The following USP7 variants were observed in gnomAD, a reference collection of about 807,000 sequenced individuals.
The protein encoded by USP7 is ubiquitin specific peptidase 7, also known as ubiquitin C-terminal hydrolase 7.
Under a neutral mutation model 162.9 loss-of-function variants are expected in USP7, and 9 were observed. The ratio of observed to expected loss-of-function variants is 0.06; its 90% CI spans 0.03 to 0.10. The LOEUF (loss-of-function observed/expected upper bound fraction) is 0.10. Ranked by LOEUF, USP7 falls within the 10% of genes least tolerant of loss-of-function variation. The probability of loss-of-function intolerance (pLI) is 1.00; values close to 1 mark genes in which losing one functional copy is unlikely to be tolerated. For missense variants in USP7, 715 were observed against 1,373.7 expected (o/e 0.52, Z 7.58); for synonymous variants, 562 against 475.9 (o/e 1.18, Z -2.35).
intron 1 of USP7, among the ~76,000 whole-genome samples, chr16:8,946,394 A>T (rs1720877095): frequency 6.6e-6 from 1 of 152,192 alleles, no homozygotes; most frequent in African/African-American, 2.4e-5. Context: ...CAGCCTGGCC[A>T]ATATGGTGAA....
chr16:8,940,638 G>C (rs973425755), intron 1 of USP7, among the ~76,000 whole-genome samples: 1 of 152,164 alleles, frequency 6.6e-6, no homozygotes, highest in Non-Finnish European at 1.5e-5. Flanking sequence ...AGCCAAAAAA[G>C]ACGGAGTTAC....
chr16:8,908,549 G>A (rs1245641068), intron 11 of USP7, 99 bp from the exon 12 acceptor site: 1 of 963,856 alleles, frequency 1.0e-6, no homozygotes, highest in Non-Finnish European at 1.5e-6. Flanking sequence ...CATGTCTGGA[G>A]ACTCTGGAGA....
At chr16:8,904,775 T>C (rs1221546617) in intron 14 of USP7, among the ~76,000 whole-genome samples, 1 of 143,640 alleles carries the variant, frequency 7.0e-6, no homozygotes, top group Admixed American at 7.1e-5. Context: ...ACCCCATCTC[T>C]ACTACTAAAA....
intron 21 of USP7, 55 bp from the exon 22 acceptor site, chr16:8,899,812 T>A (rs1364411858): frequency 3.1e-6 from 5 of 1,590,304 alleles, no homozygotes; most frequent in Non-Finnish European, 8.6e-7. Context: ...AGGGGGTAGC[T>A]GGTAAAAATG....
At chr16:8,909,752 C>T (rs993873803) in intron 11 of USP7, among the ~76,000 whole-genome samples, 1 of 152,102 alleles carries the variant, frequency 6.6e-6, no homozygotes, top group Non-Finnish European at 1.5e-5. Context: ...ATGGTGAAAC[C>T]CCATCTCTAC....
chr16:8,907,479 T>A (rs1469779947), intron 12 of USP7, among the ~76,000 whole-genome samples: 2 of 152,224 alleles, frequency 1.3e-5, no homozygotes, highest in African/African-American at 4.8e-5. Flanking sequence ...GTGCTCAAAC[T>A]AATCAGGATA....
chr16:8,920,509 C>A, intron 4 of USP7, 62 bp from the exon 5 acceptor site: 2 of 1,387,218 alleles, frequency 1.4e-6, no homozygotes, highest in Non-Finnish European at 2.0e-6. Flanking sequence ...TCCCAAGAGA[C>A]AAATTACATT....
rs1438312431 is a variant in USP7 at position 8,905,036 on chromosome 16, C to A, written c.1573+151G>T. 2.6e-5 allele frequency: 23 copies of A among 868,280 alleles called. No individual in the cohort carries two copies. The South Asian group carries it at 4.4e-4, about 17-fold the overall frequency. 53.8% of individuals were successfully genotyped at this position (868,280 alleles called of 1,614,324 possible). A position where few individuals can be genotyped will look rare whatever the true frequency, so the allele number is the denominator to read the frequency against. On this transcript the variant is annotated intron_variant, in intron 14 of 30. Coordinates refer to ENST00000344836, the MANE Select transcript of USP7 (RefSeq NM_003470.3). ...GGTACCATAAGTCTGCATCGAAACG[C>A]GCAAGCCCAACCCTGCTCATTTCTG...
intron 18 of USP7, 119 bp from the exon 19 acceptor site, chr16:8,901,353 T>A (rs1442342422): frequency 2.7e-5 from 19 of 695,174 alleles, no homozygotes; most frequent in Non-Finnish European, 4.4e-5. Flanking sequence ...AATAGCTCAA[T>A]GACAAGTGAA....
intron 1 of USP7, among the ~76,000 whole-genome samples, chr16:8,959,531 G>C: frequency 6.6e-6 from 1 of 152,148 alleles, no homozygotes; most frequent in East Asian, 1.9e-4. Flanking sequence ...TGAGATGCTA[G>C]GTTTGGCCTA....
At position 8,963,378 on chromosome 16, in the gene USP7, G is replaced by A. The variant is rs1900101463; in HGVS notation, c.-93C>T. On this transcript the variant is annotated 5_prime_UTR_variant, in exon 1 of 31. Transcript: ENST00000344836. ...GCGAGCCGGGGCGGCGGCGGCGGCG[G>A]CGGCGGCGGGGCGGCCTCCTCCTCC... The A allele has an allele frequency of 2.1e-5, 6 of 290,540 alleles. No individual in the cohort carries two copies. Among genetic ancestry groups the A allele is most frequent in the Non-Finnish European group, 2.5e-5 (5 of 198,554 alleles). 18.0% of individuals were successfully genotyped at this position (290,540 alleles called of 1,614,324 possible). A position where few individuals can be genotyped will look rare whatever the true frequency, so the allele number is the denominator to read the frequency against.
At chr16:8,914,852 G>A (rs1013115078) in intron 10 of USP7, among the ~76,000 whole-genome samples, 1 of 152,144 alleles carries the variant, frequency 6.6e-6, no homozygotes, top group Non-Finnish European at 1.5e-5. Flanking sequence ...CCTGGAGTTC[G>A]AGGCTGCACT....
chr16:8,906,290 C>CA, intron 13 of USP7, 136 bp downstream of exon 13: 2 of 960,094 alleles, frequency 2.1e-6, no homozygotes. Flanking sequence ...GGGAAAACAG[C>CA]ATTTAGCAGC....
chr16:8,959,880 T>C (rs1009688454), intron 1 of USP7, among the ~76,000 whole-genome samples: 2 of 152,172 alleles, frequency 1.3e-5, no homozygotes, highest in Non-Finnish European at 2.9e-5. Context: ...TTGCTCCTAA[T>C]AGCAGCAGTC....
intron 11 of USP7, among the ~76,000 whole-genome samples, chr16:8,908,663 C>G (rs954126535): frequency 1.3e-5 from 2 of 152,192 alleles, no homozygotes; most frequent in African/African-American, 4.8e-5. Flanking sequence ...TGCACCAGCA[C>G]TGACTGTGAG....
intron 10 of USP7, among the ~76,000 whole-genome samples, chr16:8,913,512 C>T (rs1469423813): frequency 1.3e-5 from 2 of 152,014 alleles, no homozygotes; most frequent in Admixed American, 6.6e-5. Context: ...GACGGTAGAA[C>T]GTCTAACAGA....
intron 8 of USP7, 79 bp from the exon 9 acceptor site, chr16:8,915,604 A>G: frequency 1.6e-6 from 2 of 1,242,242 alleles, no homozygotes; most frequent in Non-Finnish European, 1.1e-6. Context: ...TTGACTAGAA[A>G]TATCAATGTT....
intron 1 of USP7, among the ~76,000 whole-genome samples, chr16:8,946,091 G>A (rs1306646405): frequency 6.6e-6 from 1 of 152,120 alleles, no homozygotes; most frequent in Non-Finnish European, 1.5e-5. Context: ...CAAAAGTCAT[G>A]GAACAAATGG....
intron 8 of USP7, 87 bp from the exon 9 acceptor site, chr16:8,915,612 G>T (rs181733107): frequency 4.2e-5 from 49 of 1,153,994 alleles, no homozygotes; most frequent in Non-Finnish European, 6.1e-5. Context: ...AAATATCAAT[G>T]TTCAAAGAAG....
Sources: gnomAD v4.1 joint callset for allele counts (sites outside exome capture counted in the v4.1 genomes callset) on GRCh38, gnomAD v4.1.1 for gene constraint, MANE v1.5 for transcripts, NCBI Gene and HGNC (gene_info 2026-07-23, HGNC 2026-07-21) for gene names.